CD40: variants seen among roughly 807,000 people sequenced by gnomAD.
CD40 encodes the protein CD40 molecule.
A neutral mutation model predicts 38.5 loss-of-function variants in CD40; 19 were observed. The ratio of observed to expected loss-of-function variants is 0.49; its 90% confidence interval spans 0.34 to 0.72. The LOEUF is 0.72. Ranked by LOEUF, CD40 falls within the 30% of genes least tolerant of loss-of-function variation. The pLI is 0.01. For missense variants in CD40, 256 were observed against 344.1 expected (o/e 0.74, Z 2.03); for synonymous variants, 130 against 128.7 (o/e 1.01, Z -0.07).
At chr20:46,126,776 A>G in intron 6 of CD40, 75 bp downstream of exon 6, 1 of 1,612,318 alleles carries the variant, frequency 6.2e-7, no homozygotes, top group South Asian at 1.1e-5. Flanking sequence ...GCACACAGGA[A>G]CACTGGATGG....
rs1306385437 is a variant in CD40 at position 46,128,194 on chromosome 20, T to C, written c.616T>C (p.Phe206Leu). Residue 206 changes from phenylalanine to leucine, a missense_variant, in exon 7 of 9, where the codon TTT becomes CTT. Physicochemically the swap from Phe to Leu is conservative, Grantham distance 22 (BLOSUM62 0). Transcript: ENST00000372285. Reference sequence around the variant, plus strand: ...GATCCCCATCATCTTCGGGATCCTGTTTGCCATCCTCTTGGTGCTGGTCTT... The same window carrying C: ...GATCCCCATCATCTTCGGGATCCTGCTTGCCATCCTCTTGGTGCTGGTCTT... ...VVIPIIFGIL[F>L]AILLVLVFIK... 4 of 1,613,908 alleles carry C rather than the reference T, an allele frequency of 2.5e-6. No homozygotes were observed. Among genetic ancestry groups the C allele is most frequent in the East Asian group, 4.5e-5 (2 of 44,864 alleles).
Position 46,128,510 on chromosome 20 carries a change from G to A in CD40, c.675+152G>A, listed in dbSNP as rs757582967. On this transcript the variant is annotated intron_variant, in intron 8 of 8. Transcript: ENST00000372285. ...GGGGACTGTCATCCCCACCCACCAT[G>A]CTCCTTCCATCCAGAGCTCAATCCC... 7 of 839,302 alleles carry A rather than the reference G, an allele frequency of 8.3e-6. No individual in the cohort carries two copies. The South Asian group carries it at 8.6e-5, about 10-fold the overall frequency. 52.0% of individuals were successfully genotyped at this position (839,302 alleles called of 1,614,324 possible).
chr20:46,128,096 A>G, intron 6 of CD40, 42 bp from the exon 7 acceptor site: 1 of 1,614,064 alleles, frequency 6.2e-7, no homozygotes, highest in South Asian at 1.1e-5. Flanking sequence ...GTAGGGAGAA[A>G]CTGCAGGTGA....
chr20:46,123,939 A>G (rs937649532), intron 5 of CD40, among the ~76,000 whole-genome samples: 1 of 152,156 alleles, frequency 6.6e-6, no homozygotes, highest in African/African-American at 2.4e-5. Context: ...GCTTCATGCT[A>G]CTTGCAATCC....
intron 1 of CD40, 22 bp from the exon 2 acceptor site, chr20:46,121,798 A>G (rs1340415316): frequency 6.3e-7 from 1 of 1,595,822 alleles, no homozygotes; most frequent in Non-Finnish European, 8.6e-7. Flanking sequence ...GATCCCTTCA[A>G]ATTGCACAAT....
chr20:46,122,743 G>T lies in CD40; in HGVS notation c.390G>T (p.Gly130=), dbSNP rs1801293. 6.2e-7 allele frequency: 1 copy of T among 1,614,150 alleles called. No individual in the cohort carries two copies. The highest frequency in any genetic ancestry group is 8.5e-7 in the Non-Finnish European group (1 of 1,180,020). The change falls in exon 4 of 9, where the codon GGG becomes GGT. Residue 130 remains glycine, a synonymous_variant. Coordinates refer to ENST00000372285, the MANE Select transcript of CD40 (RefSeq NM_001250.6). This position sits in a 1 kb window ranked among gnomAD's most constrained non-coding sequence, Gnocchi z 5.0. The part of the protein sequence containing the change: ...VLHRSCSPGF[G]VKQIATGVSD... ...ACCGCTCATGCTCGCCCGGCTTTGG[G>T]GTCAAGCAGATTGGTAAGTGGCTCA...
At chr20:46,121,613 C>T in intron 1 of CD40, 1 of 624,512 alleles carries the variant, frequency 1.6e-6, no homozygotes, top group South Asian at 1.8e-5. Context: ...TGTAAAAATA[C>T]CAGAATGATT....
In CD40 at chr20:46,128,184, C is replaced by T. The variant is rs7273698; in HGVS notation, c.606C>T (p.Phe202=). 7.7e-3 allele frequency: 12,406 copies of T among 1,611,624 alleles called. 746 individuals are homozygous for T. The African/African-American group carries it at 0.14, about 18-fold the overall frequency. ...LRALVVIPII[F]GILFAILLVL... is the part of the protein sequence containing the mutation. ...CCCTGGTGGTGATCCCCATCATCTTCGGGATCCTGTTTGCCATCCTCTTGG... is the reference window on the plus strand; with the variant it reads ...CCCTGGTGGTGATCCCCATCATCTTTGGGATCCTGTTTGCCATCCTCTTGG... Residue 202 remains phenylalanine (F), a synonymous_variant, in exon 7 of 9, where the codon TTC becomes TTT. Transcript: ENST00000372285.
intron 1 of CD40, among the ~76,000 whole-genome samples, chr20:46,119,284 C>G (rs1233702687): frequency 6.6e-6 from 1 of 152,228 alleles, no homozygotes; most frequent in Non-Finnish European, 1.5e-5. Flanking sequence ...TGGCCTCCCC[C>G]TACTTTAGAG....
intron 5 of CD40, 81 bp downstream of exon 5, chr20:46,123,300 C>G: frequency 5.6e-6 from 6 of 1,073,720 alleles, no homozygotes; most frequent in Non-Finnish European, 8.7e-6. Flanking sequence ...CCTGTCCTGT[C>G]CCTGCTCCCA....
rs747283803 is a variant in CD40, at chr20:46,126,650, A to G, written c.508A>G (p.Lys170Glu). 1.2e-6 allele frequency: 2 copies of G among 1,614,172 alleles called. No homozygotes were observed. The highest frequency in any genetic ancestry group is 1.7e-6 in the Non-Finnish European group (2 of 1,180,004). The change falls in exon 6 of 9, where the codon AAA (lysine) becomes GAA (glutamate). Residue 170 changes from lysine (K) to glutamate (E), a missense_variant. By Grantham distance (56) the Lys-to-Glu change is moderately conservative. Transcript: ENST00000372285. ...KCHPWTSCETKDLVVQQAGTN... is the reference protein window; with the variant it reads ...KCHPWTSCETEDLVVQQAGTN... Reference sequence around the variant, plus strand: ...CGTGTCTGTGCATAGCTGTGAGACCAAAGACCTGGTTGTGCAACAGGCAGG... The same window carrying G: ...CGTGTCTGTGCATAGCTGTGAGACCGAAGACCTGGTTGTGCAACAGGCAGG...
intron 6 of CD40, 65 bp from the exon 7 acceptor site, chr20:46,128,073 C>T: frequency 6.2e-7 from 1 of 1,613,726 alleles, no homozygotes; most frequent in South Asian, 1.1e-5. Flanking sequence ...TGACAAGTCA[C>T]AGCAGGTTGA....
chr20:46,122,815 G>A lies in CD40; in HGVS notation c.403+59G>A. 1 of 1,604,696 alleles carries A rather than the reference G, an allele frequency of 6.2e-7. No homozygotes were observed. Among genetic ancestry groups the A allele is most frequent in the Non-Finnish European group, 8.5e-7 (1 of 1,173,042 alleles). ...GGGACAGAGGAGCTTAGGGCCCAAG[G>A]TGAGGGGCTGGGCAGTGGGCACTTA... On this transcript the variant is annotated intron_variant, in intron 4 of 8. Coordinates refer to ENST00000372285, the MANE Select transcript of CD40 (RefSeq NM_001250.6). This position sits in a 1 kb window ranked among gnomAD's most constrained non-coding sequence, Gnocchi z 5.0.
At chr20:46,128,765 C>A in intron 8 of CD40, 117 bp from the exon 9 acceptor site, 1 of 1,127,616 alleles carries the variant, frequency 8.9e-7, no homozygotes, top group Non-Finnish European at 1.3e-6. Flanking sequence ...TCAGCACTGA[C>A]CCGCCGTCTG....
At chr20:46,126,078 C>T (rs2085429155) in intron 5 of CD40, among the ~76,000 whole-genome samples, 1 of 152,148 alleles carries the variant, frequency 6.6e-6, no homozygotes, top group Admixed American at 6.5e-5. Context: ...CAGTTTTGCT[C>T]CCTGTGGAAC....
intron 1 of CD40, among the ~76,000 whole-genome samples, chr20:46,119,488 C>T (rs1250663223): frequency 6.6e-6 from 1 of 152,076 alleles, no homozygotes; most frequent in Admixed American, 6.5e-5. Flanking sequence ...AAGGGGGGCC[C>T]TTGTGGTAGG....
chr20:46,122,005 C>T lies in CD40; in HGVS notation c.130+107C>T. On this transcript the variant is annotated intron_variant, in intron 2 of 8. Coordinates refer to ENST00000372285, the MANE Select transcript of CD40 (RefSeq NM_001250.6). This position sits in a 1 kb window ranked among gnomAD's most constrained non-coding sequence, Gnocchi z 5.0. ...ACTCAAATCTGAAACGACCCATTTC[C>T]CAGCCCTGCTTCACTGTCAGAATGT... 9.1e-7 allele frequency: 1 copy of T among 1,098,420 alleles called. No individual in the cohort carries two copies. Among genetic ancestry groups the T allele is most frequent in the Non-Finnish European group, 1.4e-6 (1 of 721,732 alleles). The allele number at this position is 1,098,420 out of a possible 1,614,324, so 68.0% of individuals were successfully genotyped here.
intron 1 of CD40, 139 bp from the exon 2 acceptor site, chr20:46,121,681 A>G: frequency 1.3e-6 from 1 of 766,632 alleles, no homozygotes; most frequent in East Asian, 2.4e-5. Context: ...AAACATGCCA[A>G]ATATCATGCA....
chr20:46,125,878 G>A (rs557124195), intron 5 of CD40, among the ~76,000 whole-genome samples: 20 of 152,290 alleles, frequency 1.3e-4, no homozygotes, highest in African/African-American at 4.6e-4. Flanking sequence ...TGGTTCTAAA[G>A]ACACAATTTT....
Sources: gnomAD v4.1 joint callset for allele counts (sites outside exome capture counted in the v4.1 genomes callset) on GRCh38, gnomAD v4.1.1 for gene constraint, Gnocchi (gnomAD v3.1) non-coding constraint, MANE v1.5 for transcripts, NCBI Gene and HGNC (gene_info 2026-07-23, HGNC 2026-07-21) for gene names.